The following MED12L variants were observed in gnomAD, a reference collection of about 807,000 sequenced individuals.
The protein encoded by MED12L is mediator complex subunit 12L.
In MED12L, 60 loss-of-function variants were observed where a neutral mutation model predicts 281.3. The observed-to-expected ratio is 0.21, with a 90% CI of 0.17 to 0.26. The LOEUF (loss-of-function observed/expected upper bound fraction) is 0.26, where lower values mean the gene tolerates loss of function less well. Among genes scored for constraint, MED12L ranks in the 10% least tolerant of loss-of-function variants. The probability of loss-of-function intolerance (pLI) is 1.00; values close to 1 mark genes in which losing one functional copy is unlikely to be tolerated. For synonymous variants in MED12L, 974 were observed against 987.2 expected, an observed-to-expected ratio of 0.99 and a Z score of 0.25; for missense variants, 2,146 against 2,680.9, an observed-to-expected ratio of 0.80 and a Z score of 4.41.
At chr3:151,358,080 T>G (rs1462746701) in intron 20 of MED12L, among the ~76,000 whole-genome samples, 2 of 152,176 alleles carry the variant, frequency 1.3e-5, no homozygotes. Flanking sequence ...CTCAAAAGAA[T>G]CATGGGGTTC....
intron 40 of MED12L, among the ~76,000 whole-genome samples, chr3:151,410,427 C>G (rs1209347472): frequency 6.6e-6 from 1 of 152,190 alleles, no homozygotes; most frequent in African/African-American, 2.4e-5. Context: ...ATGCTGCCTG[C>G]TAGAAGTTCA....
chr3:151,432,912 CATT>C lies in MED12L; in HGVS notation c.*109_*111del. 1 of 741,434 alleles carries C rather than the reference CATT, an allele frequency of 1.3e-6. No individual in the cohort carries two copies. Among genetic ancestry groups the C allele is most frequent in the Non-Finnish European group, 2.1e-6 (1 of 474,556 alleles). The allele number at this position is 741,434 out of a possible 1,614,324, so 45.9% of individuals were successfully genotyped here. On this transcript the variant is annotated 3_prime_UTR_variant, in exon 45 of 45. Transcript: ENST00000687756. ...ATGTCCCTTTTTTTCATTTCTTTGA[CATT>C]TTACTATATTTTATGCTACATCTCA...
In MED12L at chr3:151,387,662, T is replaced by C. The variant is rs1713617030; in HGVS notation, c.5089-148T>C. ...TTCTAGCCACTGCTCTCCGGTGATG[T>C]AGCTGTGTAACCCTCTCTGCTGTAT... On this transcript the variant is annotated intron_variant, in intron 36 of 44. Transcript: ENST00000687756. 9.7e-6 allele frequency: 8 copies of C among 827,078 alleles called. No individual in the cohort carries two copies. The Admixed American group carries it at 2.1e-4, about 21-fold the overall frequency. 51.2% of individuals were successfully genotyped at this position (827,078 alleles called of 1,614,324 possible).
Position 151,350,211 on chromosome 3 carries a change from A to G in MED12L, c.2398+5A>G. ...AGAGCACCACAGAGACAGGGGGTAA[A>G]GAACCTTAATGCATTTGCTCCCATT... On this transcript the variant is annotated splice_donor_5th_base_variant and intron_variant, in intron 17 of 44. Coordinates refer to ENST00000687756, the MANE Select transcript of MED12L (RefSeq NM_001393769.1). 6.2e-7 allele frequency: 1 copy of G among 1,613,114 alleles called. No individual in the cohort carries two copies. The highest frequency in any genetic ancestry group is 1.7e-5 in the Admixed American group (1 of 59,928).
intron 17 of MED12L, among the ~76,000 whole-genome samples, chr3:151,351,745 G>A (rs1445621874): frequency 6.6e-6 from 1 of 152,128 alleles, no homozygotes; most frequent in Non-Finnish European, 1.5e-5. Flanking sequence ...TATTTTTAGA[G>A]GGTCTTTCCA....
In MED12L at chr3:151,158,829, G is replaced by T. The variant is rs973986319; in HGVS notation, c.837+30G>T. The T allele has an allele frequency of 7.8e-6, 11 of 1,408,974 alleles. No homozygotes were observed. The African/African-American group carries it at 1.4e-4, about 18-fold the overall frequency. 87.3% of individuals were successfully genotyped at this position (1,408,974 alleles called of 1,614,324 possible). On this transcript the variant is annotated intron_variant, in intron 7 of 44. Coordinates refer to ENST00000687756, the MANE Select transcript of MED12L (RefSeq NM_001393769.1). The stretch of plus-strand genomic sequence containing the variant: ...AGTACATGTCCCCTTGAGGCAGTTG[G>T]TTTTATGGGCAAGAAATGAGCCTGA...
chr3:151,198,412 A>C, intron 16 of MED12L: 1 of 1,573,384 alleles, frequency 6.4e-7, no homozygotes, highest in Non-Finnish European at 8.7e-7. Flanking sequence ...TTGGTAGCAC[A>C]AAAAATCCTG....
At chr3:151,285,264 C>G (rs905178906) in intron 16 of MED12L, among the ~76,000 whole-genome samples, 2 of 151,908 alleles carry the variant, frequency 1.3e-5, no homozygotes, top group African/African-American at 4.8e-5. Context: ...GTGGGCAGAT[C>G]ACAAGGTCAG....
Position 151,436,537 on chromosome 3 carries a change from A to G in MED12L, c.*3733A>G. 1.7e-6 allele frequency: 1 copy of G among 593,300 alleles called. No homozygotes were observed. The highest frequency in any genetic ancestry group is 2.9e-6 in the Non-Finnish European group (1 of 344,688). 36.8% of individuals were successfully genotyped at this position (593,300 alleles called of 1,614,324 possible). The stretch of plus-strand genomic sequence containing the variant: ...AATCAGTATCATCAGTTCATAATGC[A>G]TTTATTTACAAGTCCTTTTATTTTG... On this transcript the variant is annotated 3_prime_UTR_variant, in exon 45 of 45. Coordinates refer to ENST00000687756, the MANE Select transcript of MED12L (RefSeq NM_001393769.1).
At position 151,385,198 on chromosome 3, in the gene MED12L, G is replaced by A. The variant is rs201127359; in HGVS notation, c.5088+7G>A. 6 of 1,280,058 alleles carry A rather than the reference G, an allele frequency of 4.7e-6. No individual in the cohort carries two copies. In the East Asian group the frequency reaches 7.4e-5, roughly 16 times the overall value. The allele number at this position is 1,280,058 out of a possible 1,614,324, so 79.3% of individuals were successfully genotyped here. On this transcript the variant is annotated splice_region_variant and intron_variant, in intron 36 of 44. Coordinates refer to ENST00000687756, the MANE Select transcript of MED12L (RefSeq NM_001393769.1). ...CTCTATAGATAAAAAACAGGCAAGA[G>A]TGAATGTTTTTTCTTATATATAAAT...
intron 5 of MED12L, among the ~76,000 whole-genome samples, chr3:151,141,787 G>A (rs1012677265): frequency 1.3e-5 from 2 of 152,046 alleles, no homozygotes; most frequent in African/African-American, 4.8e-5. Context: ...TAGTATATTC[G>A]CTGCAGTCTT....
intron 16 of MED12L, among the ~76,000 whole-genome samples, chr3:151,286,713 G>A (rs1296800603): frequency 6.6e-6 from 1 of 152,150 alleles, no homozygotes; most frequent in Non-Finnish European, 1.5e-5. Context: ...TGTGAACATA[G>A]GGGCATATAT....
intron 5 of MED12L, among the ~76,000 whole-genome samples, chr3:151,155,930 G>A (rs897357842): frequency 2.6e-5 from 4 of 152,120 alleles, no homozygotes; most frequent in East Asian, 1.9e-4. Flanking sequence ...CTGTTTCTCC[G>A]AGAGCTGGCT....
At chr3:151,279,721 G>A (rs1176697162) in intron 16 of MED12L, among the ~76,000 whole-genome samples, 1 of 152,178 alleles carries the variant, frequency 6.6e-6, no homozygotes, top group Non-Finnish European at 1.5e-5. Flanking sequence ...AGGAGGAGCC[G>A]CTAGAGCCTG....
intron 2 of MED12L, among the ~76,000 whole-genome samples, chr3:151,106,330 T>G (rs1338390104): frequency 3.0e-5 from 1 of 33,088 alleles, no homozygotes; most frequent in Non-Finnish European, 7.2e-5. Flanking sequence ...TCCCCTCCCC[T>G]CCCCTCCCCT....
chr3:151,413,125 T>C lies in MED12L; in HGVS notation c.6141-14T>C, dbSNP rs1717142675. On this transcript the variant is annotated splice_polypyrimidine_tract_variant and intron_variant, in intron 41 of 44. Transcript: ENST00000687756. ...ATGCTTGGGCCTGAACCAAGTTGCA[T>C]TATTCTTTGCCAGACTGAACCATCA... The C allele has an allele frequency of 4.4e-6, 7 of 1,606,474 alleles. No individual in the cohort carries two copies. Among genetic ancestry groups the C allele is most frequent in the Non-Finnish European group, 6.0e-6 (7 of 1,173,966 alleles).
rs1462493009 is a variant in MED12L at position 151,435,718 on chromosome 3, T to G, written c.*2914T>G. On this transcript the variant is annotated 3_prime_UTR_variant, in exon 45 of 45. Coordinates refer to ENST00000687756, the MANE Select transcript of MED12L (RefSeq NM_001393769.1). ...TTTAGATAAGATCAATCATTTAATA[T>G]TCCCCAAATTAATTCAGGTTGAATT... The G allele has an allele frequency of 6.6e-6, 1 of 152,168 alleles. No homozygotes were observed. Among genetic ancestry groups the G allele is most frequent in the African/African-American group, 2.4e-5 (1 of 41,422 alleles). The allele number at this position is 152,168 out of a possible 1,614,324, so 9.4% of individuals were successfully genotyped here. A position where few individuals can be genotyped will look rare whatever the true frequency, so the allele number is the denominator to read the frequency against.
At chr3:151,163,764 C>G in intron 8 of MED12L, 129 bp from the exon 9 acceptor site, 16 of 876,862 alleles carry the variant, frequency 1.8e-5, no homozygotes, top group East Asian at 2.8e-5. Flanking sequence ...GGGTAAGACA[C>G]TCTCGTATTT....
chr3:151,196,104 C>T (rs1195676350), intron 16 of MED12L, among the ~76,000 whole-genome samples: 1 of 152,190 alleles, frequency 6.6e-6, no homozygotes, highest in African/African-American at 2.4e-5. Context: ...GGTTTTACAG[C>T]CTTTCCCTGC....
Sources: allele counts gnomAD v4.1 joint callset (sites outside exome capture counted in the v4.1 genomes callset), GRCh38; gene constraint gnomAD v4.1.1; transcripts MANE v1.5; gene names NCBI Gene and HGNC (gene_info 2026-07-23, HGNC 2026-07-21).